Variants in COL4A2 observed in about 807,000 individuals in gnomAD.
The protein encoded by COL4A2 is collagen type IV alpha 2 chain.
Under a neutral mutation model 200.2 loss-of-function variants are expected in COL4A2, and 99 were observed. The observed-to-expected ratio is 0.49, with a 90% CI of 0.42 to 0.58. COL4A2 has a LOEUF of 0.58. Among genes scored for constraint, COL4A2 ranks in the 20% least tolerant of loss-of-function variants. The pLI, the probability that COL4A2 is intolerant of heterozygous loss-of-function variation, is 0.00. For missense variants in COL4A2, 1,950 were observed against 2,314.1 expected, an observed-to-expected ratio of 0.84 and a Z score of 3.23; for synonymous variants, 897 against 900.6, an observed-to-expected ratio of 1.00 and a Z score of 0.07.
intron 4 of COL4A2, among the ~76,000 whole-genome samples, chr13:110,365,751 C>T (rs1877718662): frequency 6.6e-6 from 1 of 152,238 alleles, no homozygotes; most frequent in South Asian, 2.1e-4. Flanking sequence ...CCTTCTCTTA[C>T]ACCAGTGCCT....
chr13:110,489,095 G>T (rs1269465337), intron 34 of COL4A2, among the ~76,000 whole-genome samples: 1 of 152,118 alleles, frequency 6.6e-6, no homozygotes, highest in Non-Finnish European at 1.5e-5. Flanking sequence ...TAGCAGCCAG[G>T]CTTAGTGGCT....
intron 44 of COL4A2, 62 bp from the exon 45 acceptor site, chr13:110,504,086 G>A (rs954915284): frequency 6.3e-7 from 1 of 1,587,264 alleles, no homozygotes; most frequent in African/African-American, 1.3e-5. Flanking sequence ...TCTCTTTGTG[G>A]ATCGCCGGCC....
intron 3 of COL4A2, among the ~76,000 whole-genome samples, chr13:110,332,230 G>T (rs1257082809): frequency 6.6e-6 from 1 of 152,178 alleles, no homozygotes; most frequent in African/African-American, 2.4e-5. Context: ...ACATTAAGTA[G>T]ACTTCACCAA....
At chr13:110,353,470 G>C (rs1161998553) in intron 3 of COL4A2, among the ~76,000 whole-genome samples, 1 of 152,220 alleles carries the variant, frequency 6.6e-6, no homozygotes, top group Non-Finnish European at 1.5e-5. Flanking sequence ...GGAGTGGCCA[G>C]GCCACAGACA....
intron 4 of COL4A2, among the ~76,000 whole-genome samples, chr13:110,413,129 T>G (rs904005449): frequency 6.6e-6 from 1 of 152,160 alleles, no homozygotes; most frequent in African/African-American, 2.4e-5. Flanking sequence ...CCACTGCTGC[T>G]CGGCATCAGA....
intron 20 of COL4A2, among the ~76,000 whole-genome samples, chr13:110,454,604 G>T (rs568700432): frequency 2.0e-5 from 3 of 152,078 alleles, no homozygotes; most frequent in Non-Finnish European, 4.4e-5. Flanking sequence ...CAGCAGTGCG[G>T]GGTGCGGCCG....
chr13:110,442,387 G>A (rs1471040093), intron 16 of COL4A2, among the ~76,000 whole-genome samples: 1 of 152,232 alleles, frequency 6.6e-6, no homozygotes, highest in East Asian at 1.9e-4. Flanking sequence ...CGCCGTGCTT[G>A]TGAGCACCGA....
chr13:110,324,812 C>T (rs1164287828), intron 3 of COL4A2, among the ~76,000 whole-genome samples: 2 of 152,326 alleles, frequency 1.3e-5, no homozygotes, highest in Non-Finnish European at 2.9e-5. Flanking sequence ...TGGAATCTCC[C>T]GCCAATCTTT....
intron 3 of COL4A2, among the ~76,000 whole-genome samples, chr13:110,322,856 G>A (rs752481631): frequency 1.3e-5 from 2 of 152,220 alleles, no homozygotes; most frequent in Non-Finnish European, 2.9e-5. Flanking sequence ...ACTCTTCCAC[G>A]GGGACCCTAA....
chr13:110,381,337 C>T (rs1878484536), intron 4 of COL4A2, among the ~76,000 whole-genome samples: 5 of 152,380 alleles, frequency 3.3e-5, no homozygotes, highest in African/African-American at 2.4e-5. Flanking sequence ...GGGGCTCTCA[C>T]GCCCAGCACT....
intron 3 of COL4A2, among the ~76,000 whole-genome samples, chr13:110,323,449 G>A (rs1303716246): frequency 6.6e-6 from 1 of 152,150 alleles, no homozygotes; most frequent in Non-Finnish European, 1.5e-5. Flanking sequence ...TATATTTTTT[G>A]AGTTAGTCAT....
intron 4 of COL4A2, among the ~76,000 whole-genome samples, chr13:110,394,649 C>T (rs1338570974): frequency 1.3e-5 from 2 of 152,226 alleles, no homozygotes; most frequent in African/African-American, 2.4e-5. Context: ...TCCTTGTTCT[C>T]GCCTTGCCAT....
chr13:110,340,666 G>A lies in COL4A2; in HGVS notation c.100-16806G>A, dbSNP rs573203365. Among the ~76,000 whole-genome samples the A allele has an allele frequency of 3.9e-5, 6 of 152,346 alleles. No homozygotes were observed. The South Asian group carries it at 1.2e-3, about 32-fold the overall frequency. On this transcript the variant is annotated intron_variant, in intron 3 of 47. Transcript: ENST00000360467. ...GGCAGCTGCGGAAGAAAGGAGAGCA[G>A]TCCTGTAGCTCATGAAGACATTACG...
At chr13:110,392,943 A>G (rs1192438808) in intron 4 of COL4A2, among the ~76,000 whole-genome samples, 1 of 152,264 alleles carries the variant, frequency 6.6e-6, no homozygotes, top group Non-Finnish European at 1.5e-5. Flanking sequence ...CATCCTCACC[A>G]TGTAGAGAAT....
chr13:110,338,156 T>C (rs1193211895), intron 3 of COL4A2, among the ~76,000 whole-genome samples: 1 of 152,244 alleles, frequency 6.6e-6, no homozygotes, highest in Non-Finnish European at 1.5e-5. Context: ...TTTTATTATA[T>C]TCTATAAATA....
intron 20 of COL4A2, among the ~76,000 whole-genome samples, chr13:110,452,451 C>T (rs1036792655): frequency 1.3e-5 from 2 of 152,202 alleles, no homozygotes; most frequent in African/African-American, 4.8e-5. Flanking sequence ...CATGAGCCAA[C>T]GCGCCCGGCC....
intron 29 of COL4A2, among the ~76,000 whole-genome samples, chr13:110,474,765 ACACGCACGTACC>A (rs1882628134): frequency 7.3e-6 from 1 of 137,524 alleles, no homozygotes; most frequent in South Asian, 2.3e-4. Context: ...CACACATCAC[ACACGCACGTACC>A]CACACACGTG....
chr13:110,512,355 CG>C lies in COL4A2; in HGVS notation c.*167del. 8.2e-7 allele frequency: 1 copy of C among 1,221,506 alleles called. No individual in the cohort carries two copies. Among genetic ancestry groups the C allele is most frequent in the Non-Finnish European group, 1.1e-6 (1 of 907,246 alleles). The allele number at this position is 1,221,506 out of a possible 1,614,324, so 75.7% of individuals were successfully genotyped here. On this transcript the variant is annotated 3_prime_UTR_variant, in exon 48 of 48. Coordinates refer to ENST00000360467, the MANE Select transcript of COL4A2 (RefSeq NM_001846.4). ...AGACCTGCCAGCCACTGTCACCGAG[CG>C]GGTGCAAGCACTCGGGGTCCCTGGA...
At chr13:110,356,274 C>T (rs1877260995) in intron 3 of COL4A2, among the ~76,000 whole-genome samples, 1 of 152,192 alleles carries the variant, frequency 6.6e-6, no homozygotes, top group Admixed American at 6.5e-5. Flanking sequence ...TGAATAGGTC[C>T]TGAGGAAAGC....
Sources: allele counts gnomAD v4.1 joint callset (sites outside exome capture counted in the v4.1 genomes callset), GRCh38; gene constraint gnomAD v4.1.1; transcripts MANE v1.5; gene names NCBI Gene and HGNC (gene_info 2026-07-23, HGNC 2026-07-21).